The following SYNDIG1 variants were observed in gnomAD, a reference collection of about 807,000 sequenced individuals.
SYNDIG1 encodes the protein synapse differentiation-inducing gene protein 1.
SYNDIG1 carries 9 observed loss-of-function variants against 19.4 expected under a neutral mutation model. The observed-to-expected ratio is 0.46, with a 90% confidence interval of 0.28 to 0.81. The LOEUF is 0.81. SYNDIG1 is among the 30% of genes least tolerant of loss of function. SYNDIG1 has a pLI of 0.12. For synonymous variants in SYNDIG1, 141 were observed against 145.9 expected (o/e 0.97, Z 0.24); for missense variants, 311 against 343.3 (o/e 0.91, Z 0.74).
intron 1 of SYNDIG1, among the ~76,000 whole-genome samples, chr20:24,524,416 C>G (rs570275929): frequency 3.9e-5 from 6 of 152,084 alleles, no homozygotes; most frequent in African/African-American, 1.4e-4. Flanking sequence ...GAGGCCGAGG[C>G]GGGTGGATCA....
intron 1 of SYNDIG1, among the ~76,000 whole-genome samples, chr20:24,534,685 C>T (rs545260295): frequency 1.4e-4 from 22 of 152,338 alleles, no homozygotes; most frequent in African/African-American, 4.1e-4. Flanking sequence ...TCCTGTGCTG[C>T]GTGCAGGGTC....
intron 3 of SYNDIG1, among the ~76,000 whole-genome samples, chr20:24,626,949 G>A (rs1380560036): frequency 3.3e-5 from 5 of 152,130 alleles, no homozygotes; most frequent in African/African-American, 4.8e-5. Flanking sequence ...GGCGGCGCGC[G>A]CCTGCAATCG....
chr20:24,615,823 G>A (rs993746032), intron 3 of SYNDIG1, among the ~76,000 whole-genome samples: 3 of 79,796 alleles, frequency 3.8e-5, no homozygotes, highest in South Asian at 4.4e-4. Context: ...TCCCCTCCCC[G>A]CCCCACCTCC....
intron 1 of SYNDIG1, among the ~76,000 whole-genome samples, chr20:24,486,857 C>T (rs2055978653): frequency 6.6e-6 from 1 of 152,072 alleles, no homozygotes; most frequent in African/African-American, 2.4e-5. Context: ...CCGGGTTTCA[C>T]CATGTTGTCC....
At chr20:24,573,743 T>C (rs1192845696) in intron 2 of SYNDIG1, among the ~76,000 whole-genome samples, 1 of 152,232 alleles carries the variant, frequency 6.6e-6, no homozygotes, top group East Asian at 1.9e-4. Context: ...GTATTCGTCA[T>C]GTGTCTGTCA....
chr20:24,633,810 C>T (rs1245021160), intron 3 of SYNDIG1, among the ~76,000 whole-genome samples: 5 of 152,132 alleles, frequency 3.3e-5, no homozygotes, highest in African/African-American at 9.7e-5. Flanking sequence ...ATGGACCAGG[C>T]TCTTGGTTAG....
At chr20:24,576,432 C>T (rs1006627988) in intron 2 of SYNDIG1, among the ~76,000 whole-genome samples, 4 of 152,140 alleles carry the variant, frequency 2.6e-5, no homozygotes, top group African/African-American at 7.2e-5. Context: ...GATTGTTGAG[C>T]GTTTCTGCTG....
At chr20:24,643,634 A>G (rs945324416) in intron 3 of SYNDIG1, among the ~76,000 whole-genome samples, 7 of 152,218 alleles carry the variant, frequency 4.6e-5, no homozygotes, top group Non-Finnish European at 8.8e-5. Flanking sequence ...TTTGTAATAC[A>G]GTTAGATTAA....
intron 2 of SYNDIG1, among the ~76,000 whole-genome samples, chr20:24,578,535 C>T (rs1442868325): frequency 6.6e-6 from 1 of 151,784 alleles, no homozygotes; most frequent in Non-Finnish European, 1.5e-5. Context: ...TGCAGAGAAG[C>T]CCCTAGCAGG....
At chr20:24,608,449 G>A (rs1349400748) in intron 3 of SYNDIG1, among the ~76,000 whole-genome samples, 1 of 152,096 alleles carries the variant, frequency 6.6e-6, no homozygotes, top group African/African-American at 2.4e-5. Flanking sequence ...AAAGTGCTGG[G>A]ATTACAAGCG....
chr20:24,605,740 C>G (rs2058748727), intron 3 of SYNDIG1, among the ~76,000 whole-genome samples: 1 of 151,992 alleles, frequency 6.6e-6, no homozygotes, highest in African/African-American at 2.4e-5. Flanking sequence ...TAATTAGCAT[C>G]TTGATTTTGT....
intron 1 of SYNDIG1, among the ~76,000 whole-genome samples, chr20:24,473,602 G>T (rs1041811273): frequency 1.3e-5 from 2 of 152,098 alleles, no homozygotes; most frequent in African/African-American, 2.4e-5. Context: ...TGGATTGCAC[G>T]GGGAGTGGGG....
At chr20:24,587,825 G>A (rs535403966) in intron 3 of SYNDIG1, among the ~76,000 whole-genome samples, 8 of 152,314 alleles carry the variant, frequency 5.3e-5, no homozygotes, top group Admixed American at 5.2e-4. Flanking sequence ...GGAAATCTTT[G>A]ACATCTAAGT....
chr20:24,487,333 TG>T (rs1298743266), intron 1 of SYNDIG1, among the ~76,000 whole-genome samples: 1 of 152,236 alleles, frequency 6.6e-6, no homozygotes, highest in Non-Finnish European at 1.5e-5. Context: ...GTGCTGTAGT[TG>T]GCAACTGCTA....
At position 24,543,145 on chromosome 20, in the gene SYNDIG1, C is replaced by T. The variant is rs201892172; in HGVS notation, c.48C>T (p.Ile16=). Residue 16 remains isoleucine (I), a synonymous_variant, in exon 2 of 4, where the codon ATC becomes ATT. Transcript: ENST00000376862. ...EQKSMLVHSK[I]SDAGKRNGLI... ...AGAGCATGCTGGTGCACAGTAAAAT[C>T]AGTGATGCTGGCAAGAGGAATGGTT... 48 of 1,614,026 alleles carry T rather than the reference C, an allele frequency of 3.0e-5. No homozygotes were observed. Among genetic ancestry groups the T allele is most frequent in the Middle Eastern group, 1.6e-4 (1 of 6,084 alleles).
chr20:24,632,333 A>G (rs2059256669), intron 3 of SYNDIG1, among the ~76,000 whole-genome samples: 1 of 152,150 alleles, frequency 6.6e-6, no homozygotes, highest in African/African-American at 2.4e-5. Flanking sequence ...TCTGCCCCTC[A>G]GGTTCAAGTG....
chr20:24,563,017 A>C (rs570488752), intron 2 of SYNDIG1, among the ~76,000 whole-genome samples: 1 of 152,352 alleles, frequency 6.6e-6, no homozygotes, highest in East Asian at 1.9e-4. Flanking sequence ...TAGTAGTAAA[A>C]TGTTGATTCT....
At chr20:24,664,722 C>T (rs182605718) in intron 3 of SYNDIG1, among the ~76,000 whole-genome samples, 7 of 152,278 alleles carry the variant, frequency 4.6e-5, no homozygotes, top group African/African-American at 1.2e-4. Flanking sequence ...ATTTTACTAA[C>T]GCCAACCATG....
At chr20:24,642,914 C>A (rs932917660) in intron 3 of SYNDIG1, among the ~76,000 whole-genome samples, 3 of 152,042 alleles carry the variant, frequency 2.0e-5, no homozygotes, top group Admixed American at 2.0e-4. Flanking sequence ...AGTGACAAAG[C>A]TAGGAAATAA....
Sources: allele counts gnomAD v4.1 joint callset (sites outside exome capture counted in the v4.1 genomes callset), GRCh38; gene constraint gnomAD v4.1.1; transcripts MANE v1.5; gene names NCBI Gene and HGNC (gene_info 2026-07-23, HGNC 2026-07-21).